Variants in NSUN6 observed in about 807,000 individuals in gnomAD.
NSUN6 encodes tRNA (cytosine(72)-C(5))-methyltransferase NSUN6.
NSUN6 carries 64 observed loss-of-function variants against 58.0 expected under a neutral mutation model. The ratio of observed to expected loss-of-function variants is 1.10; its 90% confidence interval spans 0.90 to 1.36. The LOEUF is 1.36. Among genes scored for constraint, NSUN6 ranks in the 40% most tolerant of loss-of-function variants. NSUN6 has a pLI of 0.00. For missense variants in NSUN6, 701 were observed against 550.1 expected (o/e 1.27, Z -2.74); for synonymous variants, 231 against 193.9 (o/e 1.19, Z -1.59).
At chr10:18,605,222 T>C (rs984042590) in intron 6 of NSUN6, among the ~76,000 whole-genome samples, 1 of 148,674 alleles carries the variant, frequency 6.7e-6, no homozygotes, top group Non-Finnish European at 1.5e-5. Context: ...TGTAGAAAAA[T>C]TGTTTCATAC....
chr10:18,642,588 C>T (rs1217904998), intron 2 of NSUN6, 33 bp from the exon 3 acceptor site: 1 of 985,576 alleles, frequency 1.0e-6, no homozygotes, highest in South Asian at 1.4e-5. Flanking sequence ...TAAAGTAATC[C>T]ATACATTTGA....
Position 18,648,485 on chromosome 10 carries a change from C to T in NSUN6, c.231+5G>A, listed in dbSNP as rs773043291. On this transcript the variant is annotated splice_donor_5th_base_variant and intron_variant, in intron 2 of 10. Transcript: ENST00000377304. The stretch of plus-strand genomic sequence containing the variant: ...ATGTACAAATGACAGAAAATTTCCA[C>T]AAACCTTCTGAAGTTCATCAAGTAA... 8 of 1,580,648 alleles carry T rather than the reference C, an allele frequency of 5.1e-6. No individual in the cohort carries two copies. The highest frequency in any genetic ancestry group is 3.5e-5 in the Admixed American group (2 of 56,778).
chr10:18,559,877 T>A (rs2055347963), intron 8 of NSUN6, among the ~76,000 whole-genome samples: 1 of 140,068 alleles, frequency 7.1e-6, no homozygotes, highest in Non-Finnish European at 1.5e-5. Flanking sequence ...GAATGCGGAA[T>A]GGAATGCAAT....
intron 4 of NSUN6, among the ~76,000 whole-genome samples, chr10:18,615,567 A>G (rs908973966): frequency 6.6e-6 from 1 of 152,234 alleles, no homozygotes; most frequent in Non-Finnish European, 1.5e-5. Context: ...CCACACATAA[A>G]CAGACATGAG....
chr10:18,586,095 TA>T lies in NSUN6; in HGVS notation c.778-3del. 5.9e-6 allele frequency: 9 copies of T among 1,528,136 alleles called. No homozygotes were observed. The highest frequency in any genetic ancestry group is 7.9e-6 in the Non-Finnish European group (9 of 1,140,636). The allele number at this position is 1,528,136 out of a possible 1,614,324, so 94.7% of individuals were successfully genotyped here. On this transcript the variant is annotated splice_region_variant and splice_polypyrimidine_tract_variant and intron_variant, in intron 7 of 10. Coordinates refer to ENST00000377304, the MANE Select transcript of NSUN6 (RefSeq NM_182543.5). ...TTTATCCAGTGCTATAACTTCTCCC[TA>T]AAAAGAAACAAAACACACACATGCA...
intron 8 of NSUN6, among the ~76,000 whole-genome samples, chr10:18,558,746 G>C (rs964410612): frequency 6.7e-6 from 1 of 150,134 alleles, no homozygotes; most frequent in South Asian, 2.1e-4. Context: ...GGATGGAAAG[G>C]AATGGAATGG....
chr10:18,548,506 T>C, intron 9 of NSUN6, among the ~76,000 whole-genome samples: 1 of 152,184 alleles, frequency 6.6e-6, no homozygotes. Context: ...TTGGATACCA[T>C]TTTTTATGCT....
intron 2 of NSUN6, among the ~76,000 whole-genome samples, chr10:18,645,492 A>G (rs982743710): frequency 6.6e-6 from 1 of 152,248 alleles, no homozygotes; most frequent in Non-Finnish European, 1.5e-5. Context: ...AACAATACGT[A>G]GCATCCGTGT....
intron 6 of NSUN6, among the ~76,000 whole-genome samples, chr10:18,602,304 C>T (rs1184231329): frequency 1.5e-4 from 22 of 150,210 alleles, no homozygotes; most frequent in East Asian, 4.0e-4. Flanking sequence ...AATGCAGTGG[C>T]GCAATCTCGG....
chr10:18,607,646 A>G (rs1157664376), intron 6 of NSUN6, among the ~76,000 whole-genome samples: 2 of 152,228 alleles, frequency 1.3e-5, no homozygotes, highest in East Asian at 3.8e-4. Flanking sequence ...CAGTACATCT[A>G]AATTAGGACC....
chr10:18,604,460 C>A (rs899649578), intron 6 of NSUN6, among the ~76,000 whole-genome samples: 6 of 152,090 alleles, frequency 3.9e-5, no homozygotes, highest in African/African-American at 1.4e-4. Flanking sequence ...AAGTATGGCC[C>A]GCAAATCAGG....
intron 2 of NSUN6, among the ~76,000 whole-genome samples, chr10:18,642,821 A>C (rs1014176067): frequency 9.2e-5 from 14 of 152,210 alleles, no homozygotes; most frequent in Admixed American, 2.6e-4. Context: ...TGGTTACCCT[A>C]AATGATTTAC....
chr10:18,604,301 G>C (rs1269348304), intron 6 of NSUN6, among the ~76,000 whole-genome samples: 1 of 152,210 alleles, frequency 6.6e-6, no homozygotes, highest in South Asian at 2.1e-4. Context: ...AAGGATCTAA[G>C]CAAGTTTCCA....
At chr10:18,568,848 A>ACATTC (rs138003649) in intron 8 of NSUN6, among the ~76,000 whole-genome samples, 119,372 of 149,898 alleles carry the variant, frequency 0.8, 47,567 homozygotes, top group East Asian at 0.98. Context: ...ATTCCATTCT[A>ACATTC]CATTCAATTC....
At chr10:18,658,558 C>G, upstream of NSUN6, 1 of 406,114 alleles carries the variant, frequency 2.5e-6, no homozygotes, top group Non-Finnish European at 3.3e-6. Flanking sequence ...GCGTGGACTT[C>G]GATCTGGGAT....
intron 2 of NSUN6, among the ~76,000 whole-genome samples, chr10:18,645,741 C>T (rs2059528040): frequency 6.6e-6 from 1 of 152,000 alleles, no homozygotes; most frequent in Non-Finnish European, 1.5e-5. Flanking sequence ...GGAGTATATA[C>T]CTAGGAGTGG....
At position 18,546,946 on chromosome 10, in the gene NSUN6, G is replaced by GAAAAAGA. The variant is rs888521906; in HGVS notation, c.1198-808_1198-802dup. ...GGGACGGGGAGGGGAAGAAGAAAAA[G>GAAAAAGA]AAAAAGAAAAAAGAAAAAAGAAAAA... On this transcript the variant is annotated intron_variant, in intron 10 of 10. Coordinates refer to ENST00000377304, the MANE Select transcript of NSUN6 (RefSeq NM_182543.5). 6.8e-4 allele frequency among the ~76,000 whole-genome samples: 102 copies of GAAAAAGA among 151,000 alleles called. 1 individual carries two copies. In the Middle Eastern group the frequency reaches 0.024, roughly 35 times the overall value.
intron 9 of NSUN6, 118 bp downstream of exon 9, chr10:18,551,705 G>T (rs2054613903): frequency 1.3e-6 from 1 of 754,534 alleles, no homozygotes; most frequent in East Asian, 2.5e-5. Context: ...ACAGACTCTT[G>T]GGTTGTTCCC....
chr10:18,552,284 A>T (rs749375435), intron 8 of NSUN6, among the ~76,000 whole-genome samples: 1 of 152,154 alleles, frequency 6.6e-6, no homozygotes, highest in Non-Finnish European at 1.5e-5. Flanking sequence ...CTTGGAATTA[A>T]TTCTAGTTGT....
Sources: allele counts gnomAD v4.1 joint callset (sites outside exome capture counted in the v4.1 genomes callset), GRCh38; gene constraint gnomAD v4.1.1; transcripts MANE v1.5; gene names NCBI Gene and HGNC (gene_info 2026-07-23, HGNC 2026-07-21).